AUTS2: variants seen among roughly 807,000 people sequenced by gnomAD.
The protein encoded by AUTS2 is activator of transcription and developmental regulator AUTS2.
AUTS2 carries 17 observed loss-of-function variants against 112.4 expected under a neutral mutation model. That is an observed-to-expected ratio of 0.15 (90% CI 0.10 to 0.23). The LOEUF is 0.23. AUTS2 is among the 10% of genes least tolerant of loss of function. The pLI, the probability that AUTS2 is intolerant of heterozygous loss-of-function variation, is 1.00. For missense variants in AUTS2, 1,510 were observed against 1,701.6 expected (o/e 0.89, Z 1.98); for synonymous variants, 751 against 702.7 (o/e 1.07, Z -1.09).
chr7:69,841,061 C>T (rs1791958247), intron 1 of AUTS2, among the ~76,000 whole-genome samples: 11 of 152,168 alleles, frequency 7.2e-5, no homozygotes, highest in Admixed American at 7.2e-4. Context: ...CTTAGCATCA[C>T]AGTGGTAGGA....
chr7:70,773,874 G>C (rs1025019462), intron 11 of AUTS2, among the ~76,000 whole-genome samples, 154 bp from the exon 12 acceptor site: 4 of 152,204 alleles, frequency 2.6e-5, no homozygotes, highest in African/African-American at 9.6e-5. Context: ...TTGAGAAAGA[G>C]CATGTGTGGT....
At chr7:69,688,226 G>T (rs1202809617) in intron 1 of AUTS2, among the ~76,000 whole-genome samples, 1 of 152,222 alleles carries the variant, frequency 6.6e-6, no homozygotes, top group Non-Finnish European at 1.5e-5. Context: ...ATTCCCTTCA[G>T]TGCGGAGTAA....
chr7:69,860,623 T>C (rs1032332893), intron 1 of AUTS2, among the ~76,000 whole-genome samples: 1 of 152,140 alleles, frequency 6.6e-6, no homozygotes, highest in Non-Finnish European at 1.5e-5. Flanking sequence ...TCTCCTCAGA[T>C]TCAATTGTAA....
chr7:70,705,874 T>C (rs1809710735), intron 6 of AUTS2, among the ~76,000 whole-genome samples: 1 of 152,170 alleles, frequency 6.6e-6, no homozygotes, highest in Non-Finnish European at 1.5e-5. Flanking sequence ...CGTGGGGTGC[T>C]CTGATAGGTC....
chr7:70,383,182 C>G (rs1361039710), intron 4 of AUTS2, among the ~76,000 whole-genome samples: 2 of 151,858 alleles, frequency 1.3e-5, no homozygotes, highest in African/African-American at 4.8e-5. Context: ...TGTGTTCCTC[C>G]CAGTAGAAGA....
intron 5 of AUTS2, among the ~76,000 whole-genome samples, chr7:70,672,934 C>T (rs980883956): frequency 6.6e-6 from 1 of 152,144 alleles, no homozygotes; most frequent in Non-Finnish European, 1.5e-5. Context: ...GGGAAGCTCC[C>T]ATGCTAGTCA....
intron 6 of AUTS2, among the ~76,000 whole-genome samples, chr7:70,716,636 CAAAAAAAAAAAAAA>C (rs34972760): frequency 1.7e-4 from 11 of 64,938 alleles, no homozygotes; most frequent in East Asian, 7.8e-4. Context: ...GACTCCGTCT[CAAAAAAAAAAAAAA>C]AAAAAAAAAA....
chr7:70,021,019 T>C (rs2866075), intron 2 of AUTS2, among the ~76,000 whole-genome samples: 55,439 of 151,620 alleles, frequency 0.37, 10,651 homozygotes, highest in African/African-American at 0.48. Flanking sequence ...GATAGAGTTT[T>C]GAGCCCAGGC....
intron 5 of AUTS2, among the ~76,000 whole-genome samples, chr7:70,658,974 A>G (rs963328634): frequency 2.0e-5 from 3 of 152,202 alleles, no homozygotes; most frequent in Admixed American, 2.0e-4. Flanking sequence ...CCTAACATGC[A>G]TGGCATCCTG....
chr7:70,346,562 T>A (rs535246617), intron 4 of AUTS2, among the ~76,000 whole-genome samples: 1 of 152,220 alleles, frequency 6.6e-6, no homozygotes, highest in African/African-American at 2.4e-5. Context: ...TCAGGTCAGC[T>A]CACCTCCCCA....
At chr7:70,413,665 CT>C in intron 4 of AUTS2, among the ~76,000 whole-genome samples, 1 of 151,024 alleles carries the variant, frequency 6.6e-6, no homozygotes, top group Non-Finnish European at 1.5e-5. Flanking sequence ...AATTTCTTTT[CT>C]TGTTTTGTTT....
At chr7:70,204,485 G>A (rs926045600) in intron 4 of AUTS2, among the ~76,000 whole-genome samples, 6 of 152,104 alleles carry the variant, frequency 3.9e-5, no homozygotes, top group African/African-American at 1.4e-4. Flanking sequence ...AATATGTTTT[G>A]TCGGGGGGTG....
intron 1 of AUTS2, among the ~76,000 whole-genome samples, chr7:69,874,695 G>C (rs1793651411): frequency 6.6e-6 from 1 of 151,906 alleles, no homozygotes. Flanking sequence ...GTTTATCTCT[G>C]TCACCCAGGC....
At chr7:70,301,102 T>G (rs1298903861) in intron 4 of AUTS2, among the ~76,000 whole-genome samples, 2 of 152,356 alleles carry the variant, frequency 1.3e-5, no homozygotes, top group East Asian at 3.9e-4. Context: ...ATATGAGCAT[T>G]TAGACCATAA....
intron 5 of AUTS2, among the ~76,000 whole-genome samples, chr7:70,498,298 A>G (rs1215529591): frequency 1.3e-5 from 2 of 152,210 alleles, no homozygotes; most frequent in East Asian, 1.9e-4. Flanking sequence ...AGGTTGGTAC[A>G]TGGCTTTAAT....
At chr7:70,060,830 C>T (rs927424088) in intron 2 of AUTS2, among the ~76,000 whole-genome samples, 10 of 152,210 alleles carry the variant, frequency 6.6e-5, no homozygotes, top group Non-Finnish European at 1.5e-4. Flanking sequence ...CACCTCTCTG[C>T]TCCCTCTGCT....
chr7:70,034,204 G>A (rs1298275845), intron 2 of AUTS2, among the ~76,000 whole-genome samples: 1 of 152,134 alleles, frequency 6.6e-6, no homozygotes, highest in Admixed American at 6.5e-5. Context: ...AATCAGAGTC[G>A]TGGGAGATGA....
At chr7:70,563,989 T>C (rs1801599101) in intron 5 of AUTS2, among the ~76,000 whole-genome samples, 1 of 152,196 alleles carries the variant, frequency 6.6e-6, no homozygotes, top group Non-Finnish European at 1.5e-5. Flanking sequence ...TGTGGTTAGT[T>C]TCAAAATGCA....
intron 5 of AUTS2, among the ~76,000 whole-genome samples, chr7:70,499,108 C>T (rs377027770): frequency 1.2e-4 from 19 of 152,242 alleles, no homozygotes; most frequent in South Asian, 4.1e-4. Flanking sequence ...TCAGCAAATG[C>T]GAGTAAGACG....
Sources: allele counts gnomAD v4.1 joint callset (sites outside exome capture counted in the v4.1 genomes callset), GRCh38; gene constraint gnomAD v4.1.1; transcripts MANE v1.5; gene names NCBI Gene and HGNC (gene_info 2026-07-23, HGNC 2026-07-21).